PRLR: variants seen among roughly 807,000 people sequenced by gnomAD.
PRLR encodes the protein hPRL receptor.
A neutral mutation model predicts 40.2 loss-of-function variants in PRLR; 13 were observed. That is an observed-to-expected ratio of 0.32 (90% CI 0.21 to 0.51). PRLR has a LOEUF of 0.51. Among genes scored for constraint, PRLR ranks in the 20% least tolerant of loss-of-function variants. PRLR has a pLI of 0.97. For missense variants in PRLR, 656 were observed against 747.3 expected, an observed-to-expected ratio of 0.88 and a Z score of 1.42; for synonymous variants, 269 against 278.7, an observed-to-expected ratio of 0.97 and a Z score of 0.35.
intron 1 of PRLR, among the ~76,000 whole-genome samples, chr5:35,180,308 C>T (rs982184128): frequency 6.6e-6 from 1 of 152,132 alleles, no homozygotes; most frequent in African/African-American, 2.4e-5. Flanking sequence ...GATCCGTGGC[C>T]TGGGGGTTGG....
Position 35,068,880 on chromosome 5 carries a change from T to TA in PRLR, c.686-3dup. On this transcript the variant is annotated splice_region_variant and splice_polypyrimidine_tract_variant and intron_variant, in intron 7 of 9. Transcript: ENST00000618457. ...CGGTTGTATCATTCATGGTGAAGTC[T>TA]AAAAAACAAACAGCCAGAAAGCTTT... 1 of 1,603,596 alleles carries TA rather than the reference T, an allele frequency of 6.2e-7. No individual in the cohort carries two copies. Among genetic ancestry groups the TA allele is most frequent in the Non-Finnish European group, 8.5e-7 (1 of 1,170,626 alleles).
At chr5:35,073,727 G>A (rs1183868786) in intron 5 of PRLR, among the ~76,000 whole-genome samples, 1 of 152,160 alleles carries the variant, frequency 6.6e-6, no homozygotes, top group African/African-American at 2.4e-5. Context: ...TTAGGCTGAC[G>A]TGAGTGAAGT....
chr5:35,181,448 T>C (rs966457557), intron 1 of PRLR, among the ~76,000 whole-genome samples: 1 of 152,206 alleles, frequency 6.6e-6, no homozygotes, highest in Non-Finnish European at 1.5e-5. Flanking sequence ...TTGAATTATA[T>C]CATGTGTCCA....
chr5:35,096,896 A>G lies in PRLR; in HGVS notation c.-43-7233T>C, dbSNP rs187486853. On this transcript the variant is annotated intron_variant, in intron 2 of 9. Transcript: ENST00000618457. ...CAACCTCCCAAAGTGCTGGGATTACAGGCGTGAGCCACTGTGCCCGGCCTT... is the reference window on the plus strand; with the variant it reads ...CAACCTCCCAAAGTGCTGGGATTACGGGCGTGAGCCACTGTGCCCGGCCTT... Among the ~76,000 whole-genome samples, 1,497 of 152,318 alleles carry G rather than the reference A, an allele frequency of 9.8e-3. 9 individuals are homozygous for G. Among genetic ancestry groups the G allele is most frequent in the South Asian group, 0.02 (98 of 4,824 alleles).
chr5:35,164,580 A>T (rs922817174), intron 1 of PRLR, among the ~76,000 whole-genome samples: 2 of 152,218 alleles, frequency 1.3e-5, no homozygotes, highest in African/African-American at 4.8e-5. Context: ...GTCTGGTATA[A>T]GACTGGGGAG....
At chr5:35,048,815 C>G (rs923533221) in exon 9 of PRLR, 2 of 252,110 alleles carry the variant, frequency 7.9e-6, no homozygotes, top group African/African-American at 2.2e-5. Context: ...TTCTAGGTTT[C>G]CCACTGCTTC....
chr5:35,128,483 G>A (rs1378936462), intron 1 of PRLR, among the ~76,000 whole-genome samples: 1 of 151,470 alleles, frequency 6.6e-6, no homozygotes, highest in Non-Finnish European at 1.5e-5. Flanking sequence ...ACACTATATT[G>A]TTTTACATTT....
At chr5:35,218,674 T>C (rs1027228707) in intron 1 of PRLR, among the ~76,000 whole-genome samples, 1 of 152,238 alleles carries the variant, frequency 6.6e-6, no homozygotes, top group South Asian at 2.1e-4. Flanking sequence ...GAATGAAATA[T>C]TGTGTTTCCT....
chr5:35,133,220 C>T (rs1579713287), intron 1 of PRLR, among the ~76,000 whole-genome samples: 1 of 152,312 alleles, frequency 6.6e-6, no homozygotes, highest in South Asian at 2.1e-4. Flanking sequence ...CTGAATTACA[C>T]CACTGGCTTT....
At chr5:35,068,011 T>C (rs1480329040) in intron 9 of PRLR, among the ~76,000 whole-genome samples, 3 of 152,240 alleles carry the variant, frequency 2.0e-5, no homozygotes, top group Non-Finnish European at 4.4e-5. Flanking sequence ...CTTTCTCTCC[T>C]TGCCCTCTGA....
At position 35,070,127 on chromosome 5, in the gene PRLR, T is replaced by C. The variant is rs766153236; in HGVS notation, c.682A>G (p.Ser228Gly). Reference protein sequence around the residue: ...WSPATFIQIPSDFTMNDTTVW... With the variant: ...WSPATFIQIPGDFTMNDTTVW... ...AAAAAAGAGCCAAGACGCTCACCAC[T>C]AGGTATCTGAATGAAGGTCGCTGGA... is the stretch of plus-strand genomic sequence containing the variant. The change falls in exon 7 of 10, where the codon AGT becomes GGT. Residue 228 changes from serine (S) to glycine (G), a missense_variant. Ser to Gly is a moderately conservative substitution (Grantham distance 56, BLOSUM62 0). Transcript: ENST00000618457. 1.9e-6 allele frequency: 3 copies of C among 1,608,394 alleles called. No individual in the cohort carries two copies. In the South Asian group the frequency reaches 3.4e-5, roughly 18 times the overall value.
intron 1 of PRLR, among the ~76,000 whole-genome samples, chr5:35,139,230 G>A (rs576031010): frequency 1.2e-3 from 179 of 152,238 alleles, no homozygotes; most frequent in African/African-American, 4.1e-3. Context: ...TGCCTCCTGG[G>A]TTCAAGTGAT....
Position 35,058,357 on chromosome 5 carries a change from T to G in PRLR, c.*6732A>C, listed in dbSNP as rs1356164746. On this transcript the variant is annotated 3_prime_UTR_variant, in exon 10 of 10. Coordinates refer to ENST00000618457, the MANE Select transcript of PRLR (RefSeq NM_000949.7). ...AGGCTGGTTCTAGATTGCTTTGGTT[T>G]CCACATGAGACTTTTCAATTGTTTA... is the stretch of plus-strand genomic sequence containing the variant. 2.6e-5 allele frequency: 4 copies of G among 152,208 alleles called. No individual in the cohort carries two copies. The highest frequency in any genetic ancestry group is 5.9e-5 in the Non-Finnish European group (4 of 68,038). The allele number at this position is 152,208 out of a possible 1,614,324, so 9.4% of individuals were successfully genotyped here. A position where few individuals can be genotyped will look rare whatever the true frequency, so the allele number is the denominator to read the frequency against.
downstream of PRLR, among the ~76,000 whole-genome samples, chr5:35,053,212 A>G (rs1179323658): frequency 3.3e-5 from 5 of 152,246 alleles, no homozygotes; most frequent in Admixed American, 3.3e-4. Flanking sequence ...AGAAAGAGAC[A>G]TAAGAGGTAT....
chr5:35,093,565 A>AT (rs1771353806), intron 2 of PRLR, among the ~76,000 whole-genome samples: 2 of 152,192 alleles, frequency 1.3e-5, no homozygotes. Flanking sequence ...TGGACCTACC[A>AT]TTAGGGTCCA....
intron 5 of PRLR, among the ~76,000 whole-genome samples, chr5:35,079,172 G>A (rs537389288): frequency 2.1e-4 from 32 of 152,194 alleles, no homozygotes; most frequent in South Asian, 1.5e-3. Context: ...ATCTCTCACC[G>A]CTCCTATTCA....
intron 1 of PRLR, among the ~76,000 whole-genome samples, chr5:35,188,057 T>C (rs1351597939): frequency 6.6e-6 from 1 of 152,178 alleles, no homozygotes. Flanking sequence ...TCAGCAACCT[T>C]TTTTGTCAGG....
intron 2 of PRLR, among the ~76,000 whole-genome samples, chr5:35,107,897 C>T (rs1049255888): frequency 1.3e-5 from 2 of 152,230 alleles, no homozygotes; most frequent in Non-Finnish European, 2.9e-5. Flanking sequence ...ATCCTGATAC[C>T]AAATCCTGGC....
chr5:35,111,016 A>T (rs1047259623), intron 2 of PRLR, among the ~76,000 whole-genome samples: 1 of 152,154 alleles, frequency 6.6e-6, no homozygotes, highest in Admixed American at 6.6e-5. Flanking sequence ...CCAGGCTAGT[A>T]GCTCATTGCT....
Sources: gnomAD v4.1 joint callset for allele counts (sites outside exome capture counted in the v4.1 genomes callset) on GRCh38, gnomAD v4.1.1 for gene constraint, MANE v1.5 for transcripts, NCBI Gene and HGNC (gene_info 2026-07-23, HGNC 2026-07-21) for gene names.